TMC1: variants seen among roughly 807,000 people sequenced by gnomAD.
TMC1 encodes transmembrane channel like 1.
In TMC1, 84 loss-of-function variants were observed where a neutral mutation model predicts 105.8. The observed-to-expected ratio is 0.79, with a 90% CI of 0.67 to 0.95. The LOEUF is 0.95. TMC1 is among the 40% of genes least tolerant of loss of function. The probability of loss-of-function intolerance (pLI) is 0.00; values close to 1 mark genes in which losing one functional copy is unlikely to be tolerated. For synonymous variants in TMC1, 315 were observed against 311.5 expected, an observed-to-expected ratio of 1.01 and a Z score of -0.12; for missense variants, 817 against 914.1, an observed-to-expected ratio of 0.89 and a Z score of 1.37.
chr9:72,572,265 C>T (rs563444031), intron 1 of TMC1, among the ~76,000 whole-genome samples: 1 of 151,716 alleles, frequency 6.6e-6, no homozygotes, highest in Non-Finnish European at 1.5e-5. Context: ...GGCGTGATCT[C>T]GGCTCACTGC....
intron 5 of TMC1, among the ~76,000 whole-genome samples, chr9:72,659,412 A>G (rs1825934694): frequency 6.6e-6 from 1 of 152,172 alleles, no homozygotes; most frequent in Non-Finnish European, 1.5e-5. Context: ...AGGTGGGCAG[A>G]TTACTTGAGG....
At chr9:72,723,549 T>A (rs371060217) in intron 8 of TMC1, among the ~76,000 whole-genome samples, 5 of 152,348 alleles carry the variant, frequency 3.3e-5, no homozygotes, top group Middle Eastern at 3.4e-3. Flanking sequence ...AGGATTTATC[T>A]TATTAATATT....
At chr9:72,671,845 CA>C (rs1311810643) in intron 5 of TMC1, among the ~76,000 whole-genome samples, 1 of 152,078 alleles carries the variant, frequency 6.6e-6, no homozygotes, top group Non-Finnish European at 1.5e-5. Context: ...GCTGAAATGA[CA>C]GGGAGTATCA....
intron 8 of TMC1, among the ~76,000 whole-genome samples, chr9:72,725,374 T>TATATATATAC (rs1564515715): frequency 7.3e-6 from 1 of 137,442 alleles, no homozygotes; most frequent in Non-Finnish European, 1.6e-5. Flanking sequence ...TATATGTATA[T>TATATATATAC]ACACACACAC....
chr9:72,549,006 T>G (rs1161356112), intron 1 of TMC1, among the ~76,000 whole-genome samples: 2 of 152,148 alleles, frequency 1.3e-5, no homozygotes, highest in African/African-American at 4.8e-5. Context: ...TGGCACATAG[T>G]GGACATGAAA....
chr9:72,672,392 A>G (rs1412073819), intron 5 of TMC1, among the ~76,000 whole-genome samples: 1 of 152,150 alleles, frequency 6.6e-6, no homozygotes, highest in Non-Finnish European at 1.5e-5. Flanking sequence ...CTGCAAAAAT[A>G]TTAAATGGTA....
intron 17 of TMC1, among the ~76,000 whole-genome samples, chr9:72,799,493 C>T (rs1340743110): frequency 6.6e-6 from 1 of 151,962 alleles, no homozygotes; most frequent in East Asian, 1.9e-4. Context: ...GTGTAAAATG[C>T]TAGACATGTA....
intron 15 of TMC1, among the ~76,000 whole-genome samples, chr9:72,790,054 C>A (rs1828240071): frequency 1.3e-5 from 2 of 152,092 alleles, no homozygotes. Flanking sequence ...CATTTAGAAT[C>A]AGAAAATCAT....
At chr9:72,736,044 A>G (rs576029052) in intron 8 of TMC1, among the ~76,000 whole-genome samples, 36 of 152,312 alleles carry the variant, frequency 2.4e-4, no homozygotes, top group African/African-American at 6.3e-4. Context: ...GGGATAGAGC[A>G]TTAGAGAAGA....
intron 5 of TMC1, among the ~76,000 whole-genome samples, chr9:72,681,503 C>T (rs938149195): frequency 2.6e-5 from 4 of 152,026 alleles, no homozygotes; most frequent in Admixed American, 6.6e-5. Context: ...CTCACAAATA[C>T]TCCAGCATGT....
chr9:72,692,142 C>T (rs34874821), intron 6 of TMC1, among the ~76,000 whole-genome samples: 6,967 of 152,238 alleles, frequency 0.046, 211 homozygotes, highest in Middle Eastern at 0.068. Context: ...ACTATTCAAA[C>T]GGCTATCTTT....
chr9:72,718,827 G>A lies in TMC1; in HGVS notation c.362+18184G>A, dbSNP rs150752330. Among the ~76,000 whole-genome samples, 1,091 of 152,246 alleles carry A rather than the reference G, an allele frequency of 7.2e-3. 16 individuals are homozygous for A. The highest frequency in any genetic ancestry group is 0.024 in the African/African-American group (1,012 of 41,520). On this transcript the variant is annotated intron_variant, in intron 8 of 23. Coordinates refer to ENST00000297784, the MANE Select transcript of TMC1 (RefSeq NM_138691.3). Reference sequence around the variant, plus strand: ...GGTGGGTAGGGAAGGACCATCAGGTGGGAGCAGGGTTAGGTACGAATGACC... The same window carrying A: ...GGTGGGTAGGGAAGGACCATCAGGTAGGAGCAGGGTTAGGTACGAATGACC...
chr9:72,785,782 T>C lies in TMC1; in HGVS notation c.885-2557T>C, dbSNP rs75244088. ...AACATCATAAAACTTAAAACATGAA[T>C]TGTTTATTTCTAGAATTTTCCATTT... On this transcript the variant is annotated intron_variant, in intron 13 of 23. Transcript: ENST00000297784. Among the ~76,000 whole-genome samples the C allele has an allele frequency of 5.0e-3, 756 of 152,306 alleles. 8 individuals are homozygous for C. Among genetic ancestry groups the C allele is most frequent in the African/African-American group, 0.017 (723 of 41,554 alleles).
At chr9:72,612,675 CT>C (rs1825052535) in intron 2 of TMC1, among the ~76,000 whole-genome samples, 1 of 152,136 alleles carries the variant, frequency 6.6e-6, no homozygotes, top group Admixed American at 6.6e-5. Flanking sequence ...GGCCCATAGG[CT>C]ATAATTGAAA....
At position 72,836,086 on chromosome 9, in the gene TMC1, C is replaced by G. The variant is rs757829981; in HGVS notation, c.*113C>G. The G allele has an allele frequency of 1.6e-6, 2 of 1,246,752 alleles. No individual in the cohort carries two copies. The highest frequency in any genetic ancestry group is 4.6e-5 in the East Asian group (2 of 43,302). 77.2% of individuals were successfully genotyped at this position (1,246,752 alleles called of 1,614,324 possible). On this transcript the variant is annotated 3_prime_UTR_variant, in exon 24 of 24. Coordinates refer to ENST00000297784, the MANE Select transcript of TMC1 (RefSeq NM_138691.3). The stretch of plus-strand genomic sequence containing the variant: ...TGGAACTGCTATTTTCCTGTTCTAC[C>G]CTTGATGGATTTTCAAGGTCATGCT...
At chr9:72,579,338 T>A (rs1042903411) in intron 2 of TMC1, among the ~76,000 whole-genome samples, 1 of 152,202 alleles carries the variant, frequency 6.6e-6, no homozygotes, top group African/African-American at 2.4e-5. Flanking sequence ...TCTCCAGGAC[T>A]CTGCCTTGGA....
chr9:72,548,307 C>T (rs4588926), intron 1 of TMC1, among the ~76,000 whole-genome samples: 79,728 of 152,038 alleles, frequency 0.52, 21,849 homozygotes, highest in African/African-American at 0.69. Context: ...CACAGTGGCT[C>T]ATGCCTGTAA....
intron 18 of TMC1, among the ~76,000 whole-genome samples, chr9:72,808,451 C>T (rs1006428003): frequency 2.4e-4 from 37 of 152,202 alleles, no homozygotes; most frequent in African/African-American, 8.7e-4. Flanking sequence ...TTTATATCAA[C>T]ACACTGTTCT....
chr9:72,761,187 C>T (rs533394819), intron 12 of TMC1, among the ~76,000 whole-genome samples: 1 of 152,104 alleles, frequency 6.6e-6, no homozygotes, highest in East Asian at 1.9e-4. Flanking sequence ...TTAATAGAAG[C>T]AGAAGAATGA....
Sources: gnomAD v4.1 joint callset for allele counts (sites outside exome capture counted in the v4.1 genomes callset) on GRCh38, gnomAD v4.1.1 for gene constraint, MANE v1.5 for transcripts, NCBI Gene and HGNC (gene_info 2026-07-23, HGNC 2026-07-21) for gene names.